PRMT1: variants seen among roughly 807,000 people sequenced by gnomAD.
The protein encoded by PRMT1 is protein arginine N-methyltransferase 1.
In PRMT1, 5 loss-of-function variants were observed where a neutral mutation model predicts 47.4. That is an observed-to-expected ratio of 0.11 (90% CI 0.06 to 0.22). PRMT1 has a LOEUF of 0.22. PRMT1 is among the 10% of genes least tolerant of loss of function. The pLI, the probability that PRMT1 is intolerant of heterozygous loss-of-function variation, is 1.00. For missense variants in PRMT1, 249 were observed against 518.4 expected, an observed-to-expected ratio of 0.48 and a Z score of 5.05; for synonymous variants, 227 against 204.6, an observed-to-expected ratio of 1.11 and a Z score of -0.94.
Position 49,680,463 on chromosome 19 carries a change from A to T in PRMT1, c.91-24A>T. ...TGTGGGGAGCCCCCAGATCTGACCC[A>T]TGATCCCATCGGCCCCCTCCCAGGT... On this transcript the variant is annotated intron_variant, in intron 2 of 10. Transcript: ENST00000454376. The surrounding 1 kb of genome is among the most constrained non-coding windows in gnomAD (Gnocchi z 4.2). 1 of 1,587,320 alleles carries T rather than the reference A, an allele frequency of 6.3e-7. No individual in the cohort carries two copies. The highest frequency in any genetic ancestry group is 8.7e-7 in the Non-Finnish European group (1 of 1,155,796).
intron 1 of PRMT1, among the ~76,000 whole-genome samples, chr19:49,679,033 G>A (rs1431797752): frequency 6.6e-6 from 1 of 151,960 alleles, no homozygotes; most frequent in African/African-American, 2.4e-5. Flanking sequence ...ACAGGCACCC[G>A]CCACCAGGCC....
intron 4 of PRMT1, 31 bp downstream of exon 4, chr19:49,682,096 G>C (rs1374784084): frequency 6.2e-7 from 1 of 1,613,800 alleles, no homozygotes; most frequent in Non-Finnish European, 8.5e-7. Flanking sequence ...GGCGGGGCCG[G>C]GCCTGAGGGA....
Position 49,684,906 on chromosome 19 carries a change from C to G in PRMT1, c.644-16C>G, listed in dbSNP as rs1263463704. On this transcript the variant is annotated splice_polypyrimidine_tract_variant and intron_variant, in intron 7 of 10. Coordinates refer to ENST00000454376, the MANE Select transcript of PRMT1 (RefSeq NM_001536.6). This position sits in a 1 kb window ranked among gnomAD's most constrained non-coding sequence, Gnocchi z 6.2. The stretch of plus-strand genomic sequence containing the variant: ...GGGCTGCTGCGGGCTCACCCCCTCC[C>G]TGCCTGCCTCCCCAGGGTGGGAGAA... 1.2e-6 allele frequency: 2 copies of G among 1,604,252 alleles called. No individual in the cohort carries two copies. Among genetic ancestry groups the G allele is most frequent in the Non-Finnish European group, 1.7e-6 (2 of 1,173,576 alleles).
intron 9 of PRMT1, 28 bp downstream of exon 9, chr19:49,686,271 C>T (rs1436502760): frequency 1.9e-6 from 3 of 1,564,390 alleles, no homozygotes. Context: ...GGGCTGGGGG[C>T]CGTTCCCGAG....
rs751048361 is a variant in PRMT1, at chr19:49,681,345, A to G, written c.193-565A>G. On this transcript the variant is annotated intron_variant, in intron 3 of 10. Coordinates refer to ENST00000454376, the MANE Select transcript of PRMT1 (RefSeq NM_001536.6). The surrounding 1 kb of genome is among the most constrained non-coding windows in gnomAD (Gnocchi z 4.4). Reference sequence around the variant, plus strand: ...ATTACAGGCGTGAGCCACCGCTCCCAGCCTGAGGACTTTTAAAAGCCAGGG... The same window carrying G: ...ATTACAGGCGTGAGCCACCGCTCCCGGCCTGAGGACTTTTAAAAGCCAGGG... Among the ~76,000 whole-genome samples, 1 of 151,488 alleles carries G rather than the reference A, an allele frequency of 6.6e-6. No homozygotes were observed. Among genetic ancestry groups the G allele is most frequent in the Non-Finnish European group, 1.5e-5 (1 of 67,912 alleles).
intron 9 of PRMT1, 39 bp from the exon 10 acceptor site, chr19:49,686,566 G>GGGGGGC: frequency 1.5e-6 from 2 of 1,315,712 alleles, no homozygotes; most frequent in Non-Finnish European, 2.1e-6. Flanking sequence ...GTTGGGGGGG[G>GGGGGGC]CAGCAGGCCG....
In PRMT1 at chr19:49,680,683, C is replaced by T. The variant is rs1176922160; in HGVS notation, c.192+95C>T. 1 of 1,038,354 alleles carries T rather than the reference C, an allele frequency of 9.6e-7. No homozygotes were observed. Among genetic ancestry groups the T allele is most frequent in the African/African-American group, 1.6e-5 (1 of 63,340 alleles). The allele number at this position is 1,038,354 out of a possible 1,614,324, so 64.3% of individuals were successfully genotyped here. Reference sequence around the variant, plus strand: ...TTTTCCCACGCATGCGCACTGCTTCCCCTGGCCGCAGGCCGCCCCCCTGCC... The same window carrying T: ...TTTTCCCACGCATGCGCACTGCTTCTCCTGGCCGCAGGCCGCCCCCCTGCC... On this transcript the variant is annotated intron_variant, in intron 3 of 10. Coordinates refer to ENST00000454376, the MANE Select transcript of PRMT1 (RefSeq NM_001536.6). The surrounding 1 kb of genome is among the most constrained non-coding windows in gnomAD (Gnocchi z 4.2).
In PRMT1 at chr19:49,688,363, G is replaced by A. The variant is rs2082243771; in HGVS notation, c.*118G>A. 4 of 886,056 alleles carry A rather than the reference G, an allele frequency of 4.5e-6. No individual in the cohort carries two copies. The Admixed American group carries it at 5.9e-5, about 13-fold the overall frequency. 54.9% of individuals were successfully genotyped at this position (886,056 alleles called of 1,614,324 possible). ...GGGGTTTTAGGGGCCTGGGCTGGGG[G>A]GATGGGGAGGGCACATCGTGACTGT... On this transcript the variant is annotated 3_prime_UTR_variant, in exon 11 of 11. Transcript: ENST00000454376. The surrounding 1 kb of genome is among the most constrained non-coding windows in gnomAD (Gnocchi z 5.3).
chr19:49,683,687 C>CA (rs34880220), intron 5 of PRMT1: 22,378 of 225,466 alleles, frequency 0.099, 531 homozygotes, highest in African/African-American at 0.19. Flanking sequence ...GACTCCGTCT[C>CA]AAAAAAAAAA....
At chr19:49,678,810 G>A (rs1202727662) in intron 1 of PRMT1, among the ~76,000 whole-genome samples, 1 of 151,976 alleles carries the variant, frequency 6.6e-6, no homozygotes, top group African/African-American at 2.4e-5. Context: ...CCTCAGGCTT[G>A]GCCGCACCTG....
intron 5 of PRMT1, among the ~76,000 whole-genome samples, chr19:49,682,943 G>A (rs1228458666): frequency 2.0e-5 from 3 of 151,848 alleles, no homozygotes; most frequent in East Asian, 3.9e-4. Context: ...CAGCCACCAC[G>A]CCCGGCTAAT....
Position 49,679,910 on chromosome 19 carries a change from G to C in PRMT1, c.75G>C (p.Gln25His). The C allele has an allele frequency of 6.2e-7, 1 of 1,612,696 alleles. No homozygotes were observed. Among genetic ancestry groups the C allele is most frequent in the Non-Finnish European group, 8.5e-7 (1 of 1,179,104 alleles). ...CCTTGGCTAATGGGATGAGCCTCCA[G>C]CCGCCTCTTGAAGAAGTAAATATCC... ...VATLANGMSL[Q>H]PPLEEVSCGQ... is the part of the protein sequence containing the mutation. Residue 25 changes from glutamine (Q) to histidine (H), a missense_variant, in exon 2 of 11, where the codon CAG (glutamine) becomes CAC (histidine). By Grantham distance (24) the Gln-to-His change is conservative. Around this residue, in one of 2 missense-constraint regions of PRMT1, gnomAD observed 59 missense variants for 61.7 expected, o/e 0.96. Coordinates refer to ENST00000454376, the MANE Select transcript of PRMT1 (RefSeq NM_001536.6).
Position 49,677,328 on chromosome 19 carries a change from G to T in PRMT1, c.36+12G>T. Reference sequence around the variant, plus strand: ...ACTGCATCATGGAGGTGAGCGCTTGGAGCGCCGCCGTGGGCGGGAGGCGGC... The same window carrying T: ...ACTGCATCATGGAGGTGAGCGCTTGTAGCGCCGCCGTGGGCGGGAGGCGGC... On this transcript the variant is annotated intron_variant, in intron 1 of 10. Transcript: ENST00000454376. 1 of 1,395,278 alleles carries T rather than the reference G, an allele frequency of 7.2e-7. No homozygotes were observed. The highest frequency in any genetic ancestry group is 9.3e-7 in the Non-Finnish European group (1 of 1,070,136). The allele number at this position is 1,395,278 out of a possible 1,614,324, so 86.4% of individuals were successfully genotyped here. A position where few individuals can be genotyped will look rare whatever the true frequency, so the allele number is the denominator to read the frequency against.
At position 49,688,105 on chromosome 19, in the gene PRMT1, GC is replaced by G. The variant is rs973869288; in HGVS notation, c.1033-51del. 27 of 1,468,066 alleles carry G rather than the reference GC, an allele frequency of 1.8e-5. No individual in the cohort carries two copies. Among genetic ancestry groups the G allele is most frequent in the Non-Finnish European group, 2.4e-5 (25 of 1,053,208 alleles). 90.9% of individuals were successfully genotyped at this position (1,468,066 alleles called of 1,614,324 possible). On this transcript the variant is annotated intron_variant, in intron 10 of 10. Coordinates refer to ENST00000454376, the MANE Select transcript of PRMT1 (RefSeq NM_001536.6). This position sits in a 1 kb window ranked among gnomAD's most constrained non-coding sequence, Gnocchi z 5.3. The stretch of plus-strand genomic sequence containing the variant: ...ATCGTCGCATAGCCTGCCTGCACCC[GC>G]CCCCCGCCACCACCTCCTGGTGGGT...
In PRMT1 at chr19:49,686,079, C is replaced by T. The variant is rs1288728352; in HGVS notation, c.760-14C>T. 2.5e-6 allele frequency: 4 copies of T among 1,611,140 alleles called. No homozygotes were observed. The highest frequency in any genetic ancestry group is 2.2e-5 in the East Asian group (1 of 44,862). On this transcript the variant is annotated splice_polypyrimidine_tract_variant and intron_variant, in intron 8 of 10. Transcript: ENST00000454376. ...GGGGACGCATCCCGGAGCTCGCCCT[C>T]TCATGTCCTGCAGGAGGTGGACATC...
intron 10 of PRMT1, chr19:49,687,729 G>C: frequency 4.6e-6 from 1 of 218,576 alleles, no homozygotes; most frequent in Admixed American, 4.8e-5. Flanking sequence ...CTCGGGCGTT[G>C]GTGACTTTGT....
chr19:49,685,155 C>T lies in PRMT1; in HGVS notation c.759+118C>T, dbSNP rs1449440777. 1.3e-6 allele frequency: 2 copies of T among 1,560,158 alleles called. No homozygotes were observed. The highest frequency in any genetic ancestry group is 3.9e-5 in the Admixed American group (2 of 51,706). On this transcript the variant is annotated intron_variant, in intron 8 of 10. Coordinates refer to ENST00000454376, the MANE Select transcript of PRMT1 (RefSeq NM_001536.6). This position sits in a 1 kb window ranked among gnomAD's most constrained non-coding sequence, Gnocchi z 4.7. Reference sequence around the variant, plus strand: ...TTGGCCTGAGGTCTCAGAGCCTGATCTGCCAGCCAGAGGTGGTGCTAGAGG... The same window carrying T: ...TTGGCCTGAGGTCTCAGAGCCTGATTTGCCAGCCAGAGGTGGTGCTAGAGG...
At chr19:49,678,595 G>T (rs1353495082) in intron 1 of PRMT1, among the ~76,000 whole-genome samples, 1 of 152,080 alleles carries the variant, frequency 6.6e-6, no homozygotes, top group Non-Finnish European at 1.5e-5. Flanking sequence ...TTGGAGACTT[G>T]GATAGTGGTC....
chr19:49,679,756 A>T, intron 1 of PRMT1, 116 bp from the exon 2 acceptor site: 1 of 736,432 alleles, frequency 1.4e-6, no homozygotes, highest in Non-Finnish European at 2.4e-6. Context: ...ACCACTCCCC[A>T]CCAAGAAGGA....
Sources: gnomAD v4.1 joint callset for allele counts (sites outside exome capture counted in the v4.1 genomes callset) on GRCh38, gnomAD v4.1.1 for gene constraint, gnomAD v4.1.1 regional missense constraint, Gnocchi (gnomAD v3.1) non-coding constraint, MANE v1.5 for transcripts, NCBI Gene and HGNC (gene_info 2026-07-23, HGNC 2026-07-21) for gene names.